GLDC: variants seen among roughly 807,000 people sequenced by gnomAD.
GLDC encodes the protein glycine decarboxylase.
GLDC carries 104 observed loss-of-function variants against 121.3 expected under a neutral mutation model. That is an observed-to-expected ratio of 0.86 (90% confidence interval 0.73 to 1.01). The LOEUF is 1.01. GLDC is among the 50% of genes least tolerant of loss of function. The probability of loss-of-function intolerance (pLI) is 0.00; values close to 1 mark genes in which losing one functional copy is unlikely to be tolerated. For missense variants in GLDC, 1,429 were observed against 1,306.6 expected, an observed-to-expected ratio of 1.09 and a Z score of -1.44; for synonymous variants, 546 against 480.6, an observed-to-expected ratio of 1.14 and a Z score of -1.78.
chr9:6,601,494 G>A (rs1013436910), intron 8 of GLDC, among the ~76,000 whole-genome samples: 1 of 151,998 alleles, frequency 6.6e-6, no homozygotes, highest in Non-Finnish European at 1.5e-5. Flanking sequence ...TGTGATTATG[G>A]GTAAAATGAA....
chr9:6,633,450 A>G (rs967581286), intron 2 of GLDC, among the ~76,000 whole-genome samples: 2 of 152,088 alleles, frequency 1.3e-5, no homozygotes, highest in African/African-American at 2.4e-5. Flanking sequence ...AACTTTTCCA[A>G]ATGCATGTTC....
intron 8 of GLDC, among the ~76,000 whole-genome samples, chr9:6,600,739 A>G (rs538947578): frequency 7.2e-5 from 11 of 152,092 alleles, no homozygotes; most frequent in African/African-American, 2.2e-4. Flanking sequence ...TGTGCTCAGG[A>G]GTGGGCCTCC....
chr9:6,576,467 T>C (rs1223321519), intron 15 of GLDC, among the ~76,000 whole-genome samples: 1 of 152,130 alleles, frequency 6.6e-6, no homozygotes, highest in Non-Finnish European at 1.5e-5. Flanking sequence ...TATTTTTTTC[T>C]TCTTCTTATT....
At chr9:6,541,756 G>A (rs1040146166) in intron 21 of GLDC, 2 of 138,974 alleles carry the variant, frequency 1.4e-5, no homozygotes, top group African/African-American at 5.4e-5. Context: ...GAACCTGGAA[G>A]GTGGTGGTTG....
intron 2 of GLDC, among the ~76,000 whole-genome samples, chr9:6,623,962 A>T (rs1319376450): frequency 1.3e-5 from 2 of 152,222 alleles, no homozygotes; most frequent in African/African-American, 4.8e-5. Context: ...CAGGGGGGAC[A>T]GGTCCCTGTT....
At chr9:6,590,696 C>A (rs186728714) in intron 11 of GLDC, among the ~76,000 whole-genome samples, 1 of 152,314 alleles carries the variant, frequency 6.6e-6, no homozygotes, top group East Asian at 1.9e-4. Flanking sequence ...GCCTCAGGTA[C>A]TCCAATGCAA....
chr9:6,622,225 T>G (rs1280474815), intron 2 of GLDC, among the ~76,000 whole-genome samples: 1 of 148,192 alleles, frequency 6.7e-6, no homozygotes, highest in Middle Eastern at 3.2e-3. Flanking sequence ...GGAAATAAAT[T>G]CACAAGAGAT....
chr9:6,592,049 T>C, intron 11 of GLDC, 94 bp downstream of exon 11: 1 of 796,456 alleles, frequency 1.3e-6, no homozygotes, highest in Non-Finnish European at 2.3e-6. Flanking sequence ...AGTGTCACAC[T>C]TGGGCCCCTT....
At chr9:6,629,861 T>C (rs566462265) in intron 2 of GLDC, among the ~76,000 whole-genome samples, 1 of 149,094 alleles carries the variant, frequency 6.7e-6, no homozygotes, top group South Asian at 2.1e-4. Flanking sequence ...AGAACATCTT[T>C]GTGATGATTC....
At chr9:6,620,466 T>C in intron 2 of GLDC, 147 bp from the exon 3 acceptor site, 2 of 710,328 alleles carry the variant, frequency 2.8e-6, no homozygotes, top group Admixed American at 2.2e-5. Flanking sequence ...CAACACTAAG[T>C]ACTGTATGCG....
At chr9:6,547,275 C>T (rs941797001) in intron 21 of GLDC, among the ~76,000 whole-genome samples, 1 of 152,132 alleles carries the variant, frequency 6.6e-6, no homozygotes, top group Non-Finnish European at 1.5e-5. Flanking sequence ...GCTGTGAAAT[C>T]AGAGAGTCAG....
At chr9:6,602,949 C>T (rs1356295325) in intron 7 of GLDC, among the ~76,000 whole-genome samples, 2 of 151,860 alleles carry the variant, frequency 1.3e-5, no homozygotes, top group Admixed American at 6.6e-5. Context: ...TTTTATGAGC[C>T]GCGCATGGTG....
intron 15 of GLDC, among the ~76,000 whole-genome samples, chr9:6,575,801 C>T (rs895974826): frequency 6.6e-6 from 1 of 152,216 alleles, no homozygotes; most frequent in African/African-American, 2.4e-5. Context: ...TAATTCTAAA[C>T]TAGCAATTCC....
Position 6,534,851 on chromosome 9 carries a change from G to A in GLDC, c.2839-63C>T, listed in dbSNP as rs78114542. ...ATACACTCTCTTCTCCTCCTACCCT[G>A]CACCTCAACCGTCAATCTTCTGACA... On this transcript the variant is annotated intron_variant, in intron 23 of 24. Transcript: ENST00000321612. The A allele has an allele frequency of 1.1e-3, 913 of 852,124 alleles. 20 individuals carry two copies. The East Asian group carries it at 0.022, about 21-fold the overall frequency. 52.8% of individuals were successfully genotyped at this position (852,124 alleles called of 1,614,324 possible).
chr9:6,590,516 C>T (rs1818355208), intron 11 of GLDC, among the ~76,000 whole-genome samples: 1 of 152,148 alleles, frequency 6.6e-6, no homozygotes, highest in Non-Finnish European at 1.5e-5. Context: ...CCTGGCACCT[C>T]CCTCCTCTCT....
At chr9:6,554,966 T>C (rs765937255) in intron 18 of GLDC, 185 bp from the exon 19 acceptor site, 9 of 661,486 alleles carry the variant, frequency 1.4e-5, no homozygotes, top group African/African-American at 3.6e-5. Flanking sequence ...TGGCATCCGA[T>C]AGGCAGAGTG....
intron 21 of GLDC, among the ~76,000 whole-genome samples, chr9:6,542,518 G>A (rs539133071): frequency 5.3e-5 from 8 of 152,072 alleles, no homozygotes; most frequent in African/African-American, 1.7e-4. Flanking sequence ...ATTACAGGCC[G>A]TGAGCCACTG....
intron 23 of GLDC, among the ~76,000 whole-genome samples, chr9:6,535,110 C>A (rs11999004): frequency 1.3e-5 from 2 of 152,016 alleles, no homozygotes; most frequent in South Asian, 4.1e-4. Flanking sequence ...CTTCTGAATT[C>A]GGTGTTTACC....
rs121964979 is a variant in GLDC at position 6,595,109 on chromosome 9, G to A, written c.1166C>T (p.Ala389Val). 1.6e-5 allele frequency: 25 copies of A among 1,605,198 alleles called. No homozygotes were observed. Among genetic ancestry groups the A allele is most frequent in the South Asian group, 2.2e-5 (2 of 90,888 alleles). The change falls in exon 9 of 25, where the codon GCG becomes GTG. Residue 389 changes from alanine (A) to valine (V), a missense_variant. Transcript: ENST00000321612. ...SNICTAQALL[A>V]NMAAMFAIYH... is the part of the protein sequence containing the mutation. ...GATTGCAAACATGGCAGCCATATTC[G>A]CCAAGAGGGCCTAAAAGATAAGAAC...
Sources: gnomAD v4.1 joint callset for allele counts (sites outside exome capture counted in the v4.1 genomes callset) on GRCh38, gnomAD v4.1.1 for gene constraint, MANE v1.5 for transcripts, NCBI Gene and HGNC (gene_info 2026-07-23, HGNC 2026-07-21) for gene names.